The following HCN1 variants were observed in gnomAD, a reference collection of about 807,000 sequenced individuals.
The protein encoded by HCN1 is hyperpolarization activated cyclic nucleotide gated potassium channel 1.
Under a neutral mutation model 78.9 loss-of-function variants are expected in HCN1, and 13 were observed. The ratio of observed to expected loss-of-function variants is 0.16; its 90% CI spans 0.11 to 0.26. HCN1 has a LOEUF of 0.26. Among genes scored for constraint, HCN1 ranks in the 10% least tolerant of loss-of-function variants. HCN1 has a pLI of 1.00. For synonymous variants in HCN1, 552 were observed against 455.5 expected (o/e 1.21, Z -2.70); for missense variants, 810 against 1,154.3 (o/e 0.70, Z 4.32).
chr5:45,548,100 TC>T (rs1373820134), intron 2 of HCN1, among the ~76,000 whole-genome samples: 1 of 151,944 alleles, frequency 6.6e-6, no homozygotes, highest in Non-Finnish European at 1.5e-5. Context: ...TCTACTAATT[TC>T]CTTTATTCAG....
At chr5:45,403,578 G>T (rs1739865000) in intron 3 of HCN1, among the ~76,000 whole-genome samples, 1 of 152,060 alleles carries the variant, frequency 6.6e-6, no homozygotes, top group South Asian at 2.1e-4. Context: ...CATGAGAACA[G>T]CAGCATGGGG....
intron 2 of HCN1, among the ~76,000 whole-genome samples, chr5:45,553,573 CCATAGA>C (rs894417280): frequency 1.3e-5 from 2 of 151,790 alleles, no homozygotes; most frequent in African/African-American, 4.8e-5. Context: ...CCAACATCTC[CCATAGA>C]CACCAAAATC....
At position 45,555,033 on chromosome 5, in the gene HCN1, G is replaced by A. The variant is rs114096907; in HGVS notation, c.849+90152C>T. 8.1e-3 allele frequency among the ~76,000 whole-genome samples: 1,234 copies of A among 151,826 alleles called. 24 individuals carry two copies. Among genetic ancestry groups the A allele is most frequent in the African/African-American group, 0.028 (1,175 of 41,446 alleles). ...AACACACCCAAAGCAAAATATTCTA[G>A]GAAATTATTGCTAGAGCAATCAGAC... is the stretch of plus-strand genomic sequence containing the variant. On this transcript the variant is annotated intron_variant, in intron 2 of 7. Transcript: ENST00000303230.
At chr5:45,628,998 G>T (rs1048028098) in intron 2 of HCN1, among the ~76,000 whole-genome samples, 18 of 147,730 alleles carry the variant, frequency 1.2e-4, no homozygotes, top group Admixed American at 4.7e-4. Flanking sequence ...AAAAAAAAAA[G>T]AAAATAAAAG....
chr5:45,573,866 C>A (rs1414139553), intron 2 of HCN1, among the ~76,000 whole-genome samples: 1 of 151,674 alleles, frequency 6.6e-6, no homozygotes, highest in Non-Finnish European at 1.5e-5. Context: ...TCTTAAAAAC[C>A]ATTATATAAG....
intron 2 of HCN1, among the ~76,000 whole-genome samples, chr5:45,545,302 T>G (rs1283396986): frequency 1.3e-5 from 2 of 152,210 alleles, no homozygotes; most frequent in African/African-American, 4.8e-5. Context: ...TGTTTGATTT[T>G]TTTCTTATAA....
chr5:45,315,730 A>G (rs1347580101), intron 5 of HCN1, among the ~76,000 whole-genome samples: 1 of 152,146 alleles, frequency 6.6e-6, no homozygotes, highest in Non-Finnish European at 1.5e-5. Context: ...GGTAAAGGGG[A>G]TATCACCACC....
At chr5:45,395,813 T>C (rs1321390205) in intron 4 of HCN1, among the ~76,000 whole-genome samples, 2 of 152,084 alleles carry the variant, frequency 1.3e-5, no homozygotes, top group Non-Finnish European at 2.9e-5. Flanking sequence ...CCCAATACCC[T>C]ATATTTAGCC....
At chr5:45,563,243 A>G (rs1743641756) in intron 2 of HCN1, among the ~76,000 whole-genome samples, 1 of 152,112 alleles carries the variant, frequency 6.6e-6, no homozygotes, top group Non-Finnish European at 1.5e-5. Context: ...TGAGGTCAGG[A>G]GTTCAAGACC....
At chr5:45,620,070 C>T (rs762514073) in intron 2 of HCN1, among the ~76,000 whole-genome samples, 14 of 151,954 alleles carry the variant, frequency 9.2e-5, no homozygotes, top group South Asian at 4.1e-4. Context: ...CAGCATTTTT[C>T]CTAAGTGAAT....
chr5:45,682,271 A>G (rs1232703564), intron 1 of HCN1, among the ~76,000 whole-genome samples: 1 of 116,398 alleles, frequency 8.6e-6, no homozygotes, highest in Non-Finnish European at 1.8e-5. Context: ...ATATATATAT[A>G]CATATATATA....
chr5:45,668,218 T>C (rs1283725304), intron 1 of HCN1, among the ~76,000 whole-genome samples: 1 of 151,974 alleles, frequency 6.6e-6, no homozygotes. Context: ...CTGATATGGT[T>C]TGGCTCTGTG....
At chr5:45,676,720 G>C (rs907755457) in intron 1 of HCN1, among the ~76,000 whole-genome samples, 1 of 151,782 alleles carries the variant, frequency 6.6e-6, no homozygotes, top group Non-Finnish European at 1.5e-5. Context: ...CAAAGTAAAG[G>C]AATGGTCATT....
intron 2 of HCN1, among the ~76,000 whole-genome samples, chr5:45,624,663 A>C (rs1745128629): frequency 6.6e-6 from 1 of 152,114 alleles, no homozygotes; most frequent in Non-Finnish European, 1.5e-5. Context: ...CTCAAAACCC[A>C]CAGGACCTAG....
intron 4 of HCN1, among the ~76,000 whole-genome samples, chr5:45,386,376 C>T (rs897644158): frequency 4.6e-5 from 7 of 151,860 alleles, no homozygotes; most frequent in African/African-American, 1.7e-4. Flanking sequence ...ACAAGGTCTC[C>T]CTCTGTTGCC....
rs375169486 is a variant in HCN1 at position 45,329,167 on chromosome 5, T to TCAGTACATTC, written c.1377+23923_1377+23932dup. ...TGACCATTCATAAGTATACAATTTG[T>TCAGTACATTC]CAGTACATTCACTATGTAATATCCT... On this transcript the variant is annotated intron_variant, in intron 5 of 7. Coordinates refer to ENST00000303230, the MANE Select transcript of HCN1 (RefSeq NM_021072.4). 4.8e-3 allele frequency among the ~76,000 whole-genome samples: 730 copies of TCAGTACATTC among 151,676 alleles called. 3 individuals carry two copies. The highest frequency in any genetic ancestry group is 0.017 in the African/African-American group (698 of 41,476).
chr5:45,406,553 T>C (rs1739928314), intron 3 of HCN1, among the ~76,000 whole-genome samples: 2 of 152,192 alleles, frequency 1.3e-5, no homozygotes, highest in South Asian at 4.1e-4. Flanking sequence ...CAATCACAGA[T>C]CTGTCTGAAC....
intron 3 of HCN1, among the ~76,000 whole-genome samples, chr5:45,445,503 T>A (rs956236474): frequency 6.6e-6 from 1 of 152,194 alleles, no homozygotes; most frequent in Non-Finnish European, 1.5e-5. Context: ...CAGACCTAAA[T>A]GTCCCTGTCT....
chr5:45,352,406 G>A (rs1169619630), intron 5 of HCN1, among the ~76,000 whole-genome samples: 1 of 151,900 alleles, frequency 6.6e-6, no homozygotes, highest in East Asian at 1.9e-4. Flanking sequence ...GATAGCATTA[G>A]GAGATATACC....
Sources: gnomAD v4.1 joint callset for allele counts (sites outside exome capture counted in the v4.1 genomes callset) on GRCh38, gnomAD v4.1.1 for gene constraint, MANE v1.5 for transcripts, NCBI Gene and HGNC (gene_info 2026-07-23, HGNC 2026-07-21) for gene names.